CTIF: variants seen among roughly 807,000 people sequenced by gnomAD.
CTIF encodes the protein cap binding complex dependent translation initiation factor.
A neutral mutation model predicts 66.0 loss-of-function variants in CTIF; 21 were observed. The observed-to-expected ratio is 0.32, with a 90% CI of 0.23 to 0.46. The LOEUF is 0.46. CTIF is among the 20% of genes least tolerant of loss of function. The probability of loss-of-function intolerance (pLI) is 1.00; values close to 1 mark genes in which losing one functional copy is unlikely to be tolerated. For missense variants in CTIF, 739 were observed against 812.7 expected (o/e 0.91, Z 1.10); for synonymous variants, 345 against 326.4 (o/e 1.06, Z -0.62).
intron 6 of CTIF, among the ~76,000 whole-genome samples, chr18:48,696,387 G>A (rs1484945930): frequency 6.6e-6 from 1 of 152,184 alleles, no homozygotes; most frequent in Middle Eastern, 3.2e-3. Flanking sequence ...CACAGTTTGG[G>A]CTGGCCTACC....
At chr18:48,670,283 C>A (rs2144995914) in intron 5 of CTIF, among the ~76,000 whole-genome samples, 1 of 152,292 alleles carries the variant, frequency 6.6e-6, no homozygotes, top group South Asian at 2.1e-4. Flanking sequence ...TTTCTGCTAG[C>A]CCCTGCCAGC....
chr18:48,731,825 A>G (rs1355465132), intron 7 of CTIF, among the ~76,000 whole-genome samples: 1 of 152,222 alleles, frequency 6.6e-6, no homozygotes, highest in Non-Finnish European at 1.5e-5. Flanking sequence ...GGGGTCAGCA[A>G]AGTTTTCTAC....
chr18:48,832,799 A>C (rs577377987), intron 10 of CTIF, among the ~76,000 whole-genome samples: 1 of 152,340 alleles, frequency 6.6e-6, no homozygotes, highest in African/African-American at 2.4e-5. Flanking sequence ...AAATGCAAAC[A>C]CACATTCAGT....
At position 48,757,338 on chromosome 18, in the gene CTIF, A is replaced by G. The variant is rs183625444; in HGVS notation, c.585-581A>G. ...TGGGGGACACAATTTAGCCCATGAA[A>G]ACTTGTTATAGCATATGTAGTTTGT... On this transcript the variant is annotated intron_variant, in intron 7 of 11. Coordinates refer to ENST00000256413, the MANE Select transcript of CTIF (RefSeq NM_014772.3). Among the ~76,000 whole-genome samples the G allele has an allele frequency of 1.1e-3, 163 of 152,250 alleles. 1 individual carries two copies. The highest frequency in any genetic ancestry group is 3.0e-3 in the African/African-American group (126 of 41,538).
chr18:48,821,100 T>C (rs1315662942), intron 10 of CTIF, among the ~76,000 whole-genome samples: 1 of 152,218 alleles, frequency 6.6e-6, no homozygotes, highest in East Asian at 1.9e-4. Flanking sequence ...TGCCTCTCTG[T>C]CTTCCTGTCC....
intron 11 of CTIF, 55 bp from the exon 12 acceptor site, chr18:48,859,289 C>T: frequency 6.7e-7 from 1 of 1,485,850 alleles, no homozygotes; most frequent in South Asian, 1.1e-5. Flanking sequence ...ATCAGGGTGG[C>T]CAGTGGGCCA....
At chr18:48,714,066 G>T (rs1256022045) in intron 7 of CTIF, among the ~76,000 whole-genome samples, 4 of 152,118 alleles carry the variant, frequency 2.6e-5, no homozygotes, top group African/African-American at 7.2e-5. Context: ...TAAAAGCAGG[G>T]GTCTCCTGAG....
At chr18:48,692,588 C>T (rs2091946265) in intron 6 of CTIF, 2 of 152,216 alleles carry the variant, frequency 1.3e-5, no homozygotes, top group African/African-American at 4.8e-5. Context: ...ATATGAATAG[C>T]ATGCAGATCT....
At chr18:48,562,992 C>G (rs989978584) in intron 1 of CTIF, among the ~76,000 whole-genome samples, 14 of 152,240 alleles carry the variant, frequency 9.2e-5, no homozygotes, top group African/African-American at 3.4e-4. Flanking sequence ...AAAGGAGATT[C>G]ACGCTGAATG....
intron 10 of CTIF, among the ~76,000 whole-genome samples, chr18:48,851,142 A>G (rs1344267319): frequency 6.6e-6 from 1 of 152,230 alleles, no homozygotes; most frequent in Non-Finnish European, 1.5e-5. Context: ...GGCCCTGGGC[A>G]GTCTGTCCTC....
chr18:48,775,257 C>T (rs1319909053), intron 9 of CTIF, among the ~76,000 whole-genome samples: 1 of 152,244 alleles, frequency 6.6e-6, no homozygotes, highest in Non-Finnish European at 1.5e-5. Context: ...CTGACATTAT[C>T]ATTGTTAAAA....
At chr18:48,723,626 T>G (rs2092361291) in intron 7 of CTIF, among the ~76,000 whole-genome samples, 1 of 152,106 alleles carries the variant, frequency 6.6e-6, no homozygotes, top group Non-Finnish European at 1.5e-5. Context: ...AGAGGAGAGC[T>G]TCCTCCAGCT....
At chr18:48,572,080 C>G (rs77083317) in intron 1 of CTIF, among the ~76,000 whole-genome samples, 11,128 of 151,808 alleles carry the variant, frequency 0.073, 484 homozygotes, top group South Asian at 0.11. Context: ...ACCGTTCCTC[C>G]TCCTCCTCCT....
chr18:48,731,159 C>T (rs1394477824), intron 7 of CTIF, among the ~76,000 whole-genome samples: 2 of 152,024 alleles, frequency 1.3e-5, no homozygotes, highest in African/African-American at 4.8e-5. Flanking sequence ...ATCTGGGGCT[C>T]AGAGAGGCAG....
At chr18:48,570,679 G>T (rs2089396859) in intron 1 of CTIF, among the ~76,000 whole-genome samples, 2 of 152,206 alleles carry the variant, frequency 1.3e-5, no homozygotes, top group African/African-American at 4.8e-5. Context: ...AGTCGAAGGG[G>T]AGTTACTGTG....
intron 6 of CTIF, among the ~76,000 whole-genome samples, chr18:48,698,166 T>C (rs966924998): frequency 3.2e-4 from 34 of 107,818 alleles, no homozygotes; most frequent in Non-Finnish European, 2.0e-4. Context: ...GAAAACCCTA[T>C]GGATGAAGGG....
chr18:48,671,049 C>CAGG (rs1445194676), intron 6 of CTIF, among the ~76,000 whole-genome samples: 2 of 152,152 alleles, frequency 1.3e-5, no homozygotes, highest in Non-Finnish European at 2.9e-5. Context: ...TGTCCCTTGG[C>CAGG]CTGAAACCTC....
At chr18:48,648,541 C>T (rs2091096852) in intron 3 of CTIF, among the ~76,000 whole-genome samples, 1 of 151,966 alleles carries the variant, frequency 6.6e-6, no homozygotes, top group Admixed American at 6.6e-5. Flanking sequence ...GCCTGTTTCT[C>T]TTTGGGTTCT....
intron 1 of CTIF, among the ~76,000 whole-genome samples, chr18:48,617,070 G>A (rs1205352017): frequency 2.0e-5 from 3 of 152,226 alleles, no homozygotes; most frequent in Non-Finnish European, 4.4e-5. Flanking sequence ...ATTCTTAGCT[G>A]GAGGCTCTGG....
Sources: gnomAD v4.1 joint callset for allele counts (sites outside exome capture counted in the v4.1 genomes callset) on GRCh38, gnomAD v4.1.1 for gene constraint, MANE v1.5 for transcripts, NCBI Gene and HGNC (gene_info 2026-07-23, HGNC 2026-07-21) for gene names.